HS6ST3: variants seen among roughly 807,000 people sequenced by gnomAD.
HS6ST3 encodes the protein heparan sulfate 6-O-sulfotransferase 3.
A neutral mutation model predicts 36.7 loss-of-function variants in HS6ST3; 12 were observed. The observed-to-expected ratio is 0.33, with a 90% confidence interval of 0.21 to 0.53. The LOEUF is 0.53. Among genes scored for constraint, HS6ST3 ranks in the 20% least tolerant of loss-of-function variants. HS6ST3 has a pLI of 0.95. For missense variants in HS6ST3, 584 were observed against 640.9 expected (o/e 0.91, Z 0.96); for synonymous variants, 240 against 257.5 (o/e 0.93, Z 0.65).
chr13:96,455,132 TGTAGTA>T (rs1182946318), intron 1 of HS6ST3, among the ~76,000 whole-genome samples: 1 of 152,208 alleles, frequency 6.6e-6, no homozygotes, highest in Non-Finnish European at 1.5e-5. Context: ...GATGTTAAAA[TGTAGTA>T]AAATTAAGCA....
Position 96,254,451 on chromosome 13 carries a change from ATATATATATATATATATATATATATAT to A in HS6ST3, c.707+162883_707+162909del, listed in dbSNP as rs1566302598. Among the ~76,000 whole-genome samples the A allele has an allele frequency of 2.4e-3, 8 of 3,374 alleles. 3 individuals are homozygous for A. The highest frequency in any genetic ancestry group is 6.2e-3 in the African/African-American group (6 of 968). 2.2% of individuals were successfully genotyped at this position (3,374 alleles called of 152,430 possible). ...AAAAAAAAAAAAAAAAAAAAAAAAT[ATATATATATATATATATATATATATAT>A]ATATATATATATATATATATACACA... On this transcript the variant is annotated intron_variant, in intron 1 of 1. Transcript: ENST00000376705.
At chr13:96,677,636 T>C (rs947474137) in intron 1 of HS6ST3, among the ~76,000 whole-genome samples, 1 of 152,156 alleles carries the variant, frequency 6.6e-6, no homozygotes, top group Non-Finnish European at 1.5e-5. Flanking sequence ...TTTTCTTCCT[T>C]AAGCTATATT....
intron 1 of HS6ST3, among the ~76,000 whole-genome samples, chr13:96,597,800 T>C (rs182858210): frequency 1.3e-5 from 2 of 152,264 alleles, no homozygotes; most frequent in African/African-American, 4.8e-5. Context: ...ATTTTTATGA[T>C]TTAAGATCTT....
chr13:96,673,895 G>A (rs919616932), intron 1 of HS6ST3, among the ~76,000 whole-genome samples: 4 of 151,756 alleles, frequency 2.6e-5, no homozygotes, highest in Admixed American at 6.6e-5. Flanking sequence ...TTTTTTCCAA[G>A]TACTTTAAAA....
At chr13:96,318,259 T>C (rs1333029094) in intron 1 of HS6ST3, among the ~76,000 whole-genome samples, 2 of 152,164 alleles carry the variant, frequency 1.3e-5, no homozygotes, top group Non-Finnish European at 2.9e-5. Context: ...GGGCCAGGCA[T>C]GGTGGCTCAT....
At chr13:96,227,786 G>A (rs755835961) in intron 1 of HS6ST3, among the ~76,000 whole-genome samples, 2 of 152,146 alleles carry the variant, frequency 1.3e-5, no homozygotes, top group Non-Finnish European at 2.9e-5. Context: ...TGTGCAGAAG[G>A]CCTTCATTGC....
chr13:96,768,450 CTG>C (rs1191368315), intron 1 of HS6ST3, among the ~76,000 whole-genome samples: 1 of 152,182 alleles, frequency 6.6e-6, no homozygotes, highest in Non-Finnish European at 1.5e-5. Context: ...AACTCTGACT[CTG>C]TCACTTTTGT....
At position 96,446,746 on chromosome 13, in the gene HS6ST3, G is replaced by C. The variant is rs74106459; in HGVS notation, c.707+355177G>C. On this transcript the variant is annotated intron_variant, in intron 1 of 1. Transcript: ENST00000376705. ...AATTAACTTTTTATTCACAGAGACA[G>C]CCAATGCTGGTGTGGCCATCAGAGC... is the stretch of plus-strand genomic sequence containing the variant. 1.3e-5 allele frequency among the ~76,000 whole-genome samples: 2 copies of C among 152,206 alleles called. 1 individual carries two copies. The highest frequency in any genetic ancestry group is 2.9e-5 in the Non-Finnish European group (2 of 68,042).
chr13:96,833,468 C>T lies in HS6ST3; in HGVS notation c.*270C>T, dbSNP rs116737643. 131 of 354,046 alleles carry T rather than the reference C, an allele frequency of 3.7e-4. No individual in the cohort carries two copies. The highest frequency in any genetic ancestry group is 2.3e-3 in the African/African-American group (109 of 48,352). The allele number at this position is 354,046 out of a possible 1,614,324, so 21.9% of individuals were successfully genotyped here. On this transcript the variant is annotated 3_prime_UTR_variant, in exon 2 of 2. Transcript: ENST00000376705. Reference sequence around the variant, plus strand: ...TTTAGAAGGCCAAGGAGAGCCACACCGAAAAAGGAGACAGTTCCTGTGATC... The same window carrying T: ...TTTAGAAGGCCAAGGAGAGCCACACTGAAAAAGGAGACAGTTCCTGTGATC...
At chr13:96,094,749 G>C (rs572880893) in intron 1 of HS6ST3, among the ~76,000 whole-genome samples, 3 of 152,310 alleles carry the variant, frequency 2.0e-5, no homozygotes, top group African/African-American at 7.2e-5. Flanking sequence ...CCCCGGGCTG[G>C]TGGTTTGAAT....
intron 1 of HS6ST3, among the ~76,000 whole-genome samples, chr13:96,143,559 T>G (rs1390364373): frequency 6.6e-6 from 1 of 151,680 alleles, no homozygotes; most frequent in Non-Finnish European, 1.5e-5. Flanking sequence ...TTATTTAAAG[T>G]GAGGAGATGT....
At chr13:96,241,445 T>C (rs2054559531) in intron 1 of HS6ST3, among the ~76,000 whole-genome samples, 1 of 152,032 alleles carries the variant, frequency 6.6e-6, no homozygotes, top group African/African-American at 2.4e-5. Context: ...AGCATTTAAA[T>C]TAATAGTTCT....
At chr13:96,477,327 G>A (rs925966819) in intron 1 of HS6ST3, among the ~76,000 whole-genome samples, 1 of 152,134 alleles carries the variant, frequency 6.6e-6, no homozygotes, top group African/African-American at 2.4e-5. Context: ...AACTCCTTTA[G>A]GAATGAAAAC....
At chr13:96,695,662 C>T (rs560156882) in intron 1 of HS6ST3, among the ~76,000 whole-genome samples, 1 of 115,800 alleles carries the variant, frequency 8.6e-6, no homozygotes, top group East Asian at 2.5e-4. Flanking sequence ...GTCTTGAACT[C>T]CTGGCCTCAA....
intron 1 of HS6ST3, among the ~76,000 whole-genome samples, chr13:96,492,386 G>A (rs77076463): frequency 6.6e-6 from 1 of 152,330 alleles, no homozygotes; most frequent in East Asian, 1.9e-4. Context: ...GGGATTAGCT[G>A]TAGGGCTGTT....
At chr13:96,190,173 C>G (rs1393179346) in intron 1 of HS6ST3, among the ~76,000 whole-genome samples, 1 of 152,168 alleles carries the variant, frequency 6.6e-6, no homozygotes, top group Non-Finnish European at 1.5e-5. Context: ...TACGACATAT[C>G]CATCCATTCA....
At chr13:96,709,063 G>A (rs1033362649) in intron 1 of HS6ST3, among the ~76,000 whole-genome samples, 9 of 152,138 alleles carry the variant, frequency 5.9e-5, no homozygotes, top group Admixed American at 1.3e-4. Flanking sequence ...CCTGGTAGGA[G>A]GTGATTGGCT....
intron 1 of HS6ST3, among the ~76,000 whole-genome samples, chr13:96,239,887 A>C (rs958008483): frequency 6.6e-6 from 1 of 152,200 alleles, no homozygotes; most frequent in Non-Finnish European, 1.5e-5. Flanking sequence ...TGTCCACTCA[A>C]GAGAGCTGGC....
intron 1 of HS6ST3, among the ~76,000 whole-genome samples, chr13:96,100,671 C>G (rs971847403): frequency 6.6e-6 from 1 of 152,100 alleles, no homozygotes; most frequent in Non-Finnish European, 1.5e-5. Context: ...AGTGCTTTCT[C>G]CTCCCACCTG....
Sources: gnomAD v4.1 joint callset for allele counts (sites outside exome capture counted in the v4.1 genomes callset) on GRCh38, gnomAD v4.1.1 for gene constraint, MANE v1.5 for transcripts, NCBI Gene and HGNC (gene_info 2026-07-23, HGNC 2026-07-21) for gene names.